The following LDB2 variants were observed in gnomAD, a reference collection of about 807,000 sequenced individuals.
The protein encoded by LDB2 is LIM domain-binding protein 2.
Under a neutral mutation model 44.3 loss-of-function variants are expected in LDB2, and 12 were observed. The ratio of observed to expected loss-of-function variants is 0.27; its 90% CI spans 0.17 to 0.44. The LOEUF is 0.44. Among genes scored for constraint, LDB2 ranks in the 20% least tolerant of loss-of-function variants. The pLI is 1.00. For synonymous variants in LDB2, 164 were observed against 174.8 expected, an observed-to-expected ratio of 0.94 and a Z score of 0.49; for missense variants, 344 against 473.5, an observed-to-expected ratio of 0.73 and a Z score of 2.54.
At chr4:16,817,725 G>T (rs985590791) in intron 1 of LDB2, among the ~76,000 whole-genome samples, 1 of 152,090 alleles carries the variant, frequency 6.6e-6, no homozygotes, top group African/African-American at 2.4e-5. Flanking sequence ...AATCATATAA[G>T]GTGGGTATAA....
chr4:16,753,692 T>C (rs571973370), intron 2 of LDB2, among the ~76,000 whole-genome samples: 1 of 152,290 alleles, frequency 6.6e-6, no homozygotes, highest in East Asian at 1.9e-4. Flanking sequence ...TGGCCATGAA[T>C]GTGTGTGGTC....
chr4:16,659,810 G>A (rs1484277739), intron 2 of LDB2, among the ~76,000 whole-genome samples: 1 of 152,012 alleles, frequency 6.6e-6, no homozygotes. Flanking sequence ...GGAGTCATGT[G>A]ACTCTGGAAA....
At chr4:16,856,768 T>A (rs184900715) in intron 1 of LDB2, among the ~76,000 whole-genome samples, 3 of 152,256 alleles carry the variant, frequency 2.0e-5, no homozygotes, top group East Asian at 3.9e-4. Flanking sequence ...AACAGCCCTA[T>A]GAGATAAATA....
intron 3 of LDB2, 41 bp downstream of exon 3, chr4:16,595,662 G>A: frequency 6.3e-7 from 1 of 1,588,002 alleles, no homozygotes; most frequent in Non-Finnish European, 8.6e-7. Flanking sequence ...AATGCTCTCA[G>A]AGTAGGAAAA....
In LDB2 at chr4:16,875,627, T is replaced by G. The variant is rs181636415; in HGVS notation, c.132+22727A>C. 8.0e-3 allele frequency among the ~76,000 whole-genome samples: 1,212 copies of G among 152,328 alleles called. 10 individuals carry two copies. The highest frequency in any genetic ancestry group is 0.024 in the Middle Eastern group (7 of 294). On this transcript the variant is annotated intron_variant, in intron 1 of 7. Coordinates refer to ENST00000304523, the MANE Select transcript of LDB2 (RefSeq NM_001290.5). ...AGAAGAGTCTCTATCTAGAGTTATC[T>G]GATGTAGACTGAGCTGGAGGAGGCA...
At chr4:16,516,300 A>G (rs1418522738) in intron 5 of LDB2, among the ~76,000 whole-genome samples, 1 of 152,266 alleles carries the variant, frequency 6.6e-6, no homozygotes, top group East Asian at 1.9e-4. Context: ...TGTCTAATGC[A>G]TGACTATTTA....
chr4:16,865,183 T>A (rs1449281390), intron 1 of LDB2, among the ~76,000 whole-genome samples: 1 of 151,558 alleles, frequency 6.6e-6, no homozygotes, highest in Non-Finnish European at 1.5e-5. Context: ...AGCTTGGGGG[T>A]GGAGGTTGCA....
chr4:16,615,723 T>C (rs1727111241), intron 2 of LDB2, among the ~76,000 whole-genome samples: 1 of 152,058 alleles, frequency 6.6e-6, no homozygotes, highest in South Asian at 2.1e-4. Flanking sequence ...CCCATTTTTT[T>C]GGAAGAAATT....
At chr4:16,545,197 C>T (rs1482693150) in intron 5 of LDB2, among the ~76,000 whole-genome samples, 1 of 151,154 alleles carries the variant, frequency 6.6e-6, no homozygotes, top group African/African-American at 2.4e-5. Context: ...CTTTTCTTCC[C>T]TCCCTTCCTT....
chr4:16,820,602 A>G (rs1781766665), intron 1 of LDB2, among the ~76,000 whole-genome samples: 1 of 152,224 alleles, frequency 6.6e-6, no homozygotes, highest in Non-Finnish European at 1.5e-5. Flanking sequence ...TGAACTTGTT[A>G]GGGCAGAGGC....
chr4:16,614,178 T>C (rs987604490), intron 2 of LDB2, among the ~76,000 whole-genome samples: 1 of 152,216 alleles, frequency 6.6e-6, no homozygotes, highest in Admixed American at 6.5e-5. Context: ...AAGGATATCC[T>C]ATTCAGTAAA....
chr4:16,542,497 G>A (rs1477496256), intron 5 of LDB2, among the ~76,000 whole-genome samples: 1 of 152,112 alleles, frequency 6.6e-6, no homozygotes, highest in Non-Finnish European at 1.5e-5. Context: ...GGATGGGCTT[G>A]GTTTATGTGA....
chr4:16,855,674 A>G (rs34942913), intron 1 of LDB2, among the ~76,000 whole-genome samples: 20,049 of 152,156 alleles, frequency 0.13, 1,445 homozygotes, highest in Middle Eastern at 0.2. Context: ...TAGGAAAGTT[A>G]TATCTGCCTA....
At chr4:16,736,491 G>C (rs9991029) in intron 2 of LDB2, among the ~76,000 whole-genome samples, 1 of 152,056 alleles carries the variant, frequency 6.6e-6, no homozygotes, top group African/African-American at 2.4e-5. Context: ...TTTGAATTAC[G>C]CAAATGTGAC....
intron 2 of LDB2, among the ~76,000 whole-genome samples, chr4:16,700,806 T>C (rs1424233668): frequency 2.0e-5 from 3 of 152,170 alleles, no homozygotes; most frequent in Non-Finnish European, 2.9e-5. Flanking sequence ...ATTTAGGTAA[T>C]GACTTCATAA....
chr4:16,575,578 CA>C (rs113685046), intron 5 of LDB2, among the ~76,000 whole-genome samples: 37 of 152,050 alleles, frequency 2.4e-4, no homozygotes, highest in African/African-American at 8.4e-4. Context: ...TTAAAACATT[CA>C]AAAAAATTGA....
intron 2 of LDB2, among the ~76,000 whole-genome samples, chr4:16,629,782 G>T (rs1198983846): frequency 2.0e-5 from 3 of 151,954 alleles, no homozygotes; most frequent in Non-Finnish European, 4.4e-5. Flanking sequence ...CAACAACTTC[G>T]TGAAGCATAC....
Position 16,505,759 on chromosome 4 carries a change from C to T in LDB2, c.891+2776G>A, listed in dbSNP as rs1719167085. ...GCTCCCCACAAGGCCAACTTCTGCTCCTTGCTGGAAGCCCGGAGGTGCCAC... is the reference window on the plus strand; with the variant it reads ...GCTCCCCACAAGGCCAACTTCTGCTTCTTGCTGGAAGCCCGGAGGTGCCAC... On this transcript the variant is annotated intron_variant, in intron 7 of 7. Transcript: ENST00000304523. 3 of 1,417,302 alleles carry T rather than the reference C, an allele frequency of 2.1e-6. No individual in the cohort carries two copies. The South Asian group carries it at 4.4e-5, about 21-fold the overall frequency. 87.8% of individuals were successfully genotyped at this position (1,417,302 alleles called of 1,614,324 possible). A position where few individuals can be genotyped will look rare whatever the true frequency, so the allele number is the denominator to read the frequency against.
At chr4:16,553,002 T>G (rs1200463252) in intron 5 of LDB2, among the ~76,000 whole-genome samples, 2 of 152,144 alleles carry the variant, frequency 1.3e-5, no homozygotes, top group East Asian at 1.9e-4. Context: ...CCAATCACTC[T>G]CACACATCCA....
Sources: gnomAD v4.1 joint callset for allele counts (sites outside exome capture counted in the v4.1 genomes callset) on GRCh38, gnomAD v4.1.1 for gene constraint, MANE v1.5 for transcripts, NCBI Gene and HGNC (gene_info 2026-07-23, HGNC 2026-07-21) for gene names.